Variants in ZNF260 observed in about 807,000 individuals in gnomAD.
ZNF260 encodes zfp-260.
In ZNF260, 21 loss-of-function variants were observed where a neutral mutation model predicts 29.3. That is an observed-to-expected ratio of 0.72 (90% CI 0.51 to 1.03). The LOEUF (loss-of-function observed/expected upper bound fraction) is 1.03, where lower values mean the gene tolerates loss of function less well. Ranked by LOEUF, ZNF260 falls within the 50% of genes least tolerant of loss-of-function variation. ZNF260 has a pLI of 0.00. For synonymous variants in ZNF260, 156 were observed against 156.8 expected, an observed-to-expected ratio of 0.99 and a Z score of 0.04; for missense variants, 465 against 487.8, an observed-to-expected ratio of 0.95 and a Z score of 0.44.
chr19:36,513,709 C>T lies in ZNF260; in HGVS notation c.*291G>A. ...TACATCTCATATCTATTTCTTAATG[C>T]ATCTGTAGGCCTTCCAGGAACACAT... On this transcript the variant is annotated 3_prime_UTR_variant, in exon 3 of 3. Transcript: ENST00000523638. 2.3e-6 allele frequency: 1 copy of T among 431,108 alleles called. No homozygotes were observed. The highest frequency in any genetic ancestry group is 4.1e-6 in the Non-Finnish European group (1 of 243,382). The allele number at this position is 431,108 out of a possible 1,614,324, so 26.7% of individuals were successfully genotyped here.
At chr19:36,521,001 G>A (rs1022079020) in intron 2 of ZNF260, among the ~76,000 whole-genome samples, 1 of 150,342 alleles carries the variant, frequency 6.7e-6, no homozygotes, top group African/African-American at 2.4e-5. Flanking sequence ...AGGATTACTT[G>A]AGTCAGGAGT....
At position 36,514,825 on chromosome 19, in the gene ZNF260, A is replaced by G. The variant is rs779693455; in HGVS notation, c.414T>C (p.Cys138=). The G allele has an allele frequency of 6.2e-7, 1 of 1,613,998 alleles. No homozygotes were observed. Among genetic ancestry groups the G allele is most frequent in the South Asian group, 1.1e-5 (1 of 91,084 alleles). ...KNHTGTKPYA[C]KECGKAFNGK... ...CGTTAAAGGCTTTGCCACATTCCTT[A>G]CATGCATAGGGTTTGGTTCCTGTAT... The change falls in exon 3 of 3, where the codon TGT becomes TGC. Residue 138 remains cysteine (C), a synonymous_variant. Coordinates refer to ENST00000523638, the MANE Select transcript of ZNF260 (RefSeq NM_001166037.2).
chr19:36,519,983 T>C (rs894370284), intron 2 of ZNF260, among the ~76,000 whole-genome samples: 2 of 151,732 alleles, frequency 1.3e-5, no homozygotes, highest in Non-Finnish European at 2.9e-5. Flanking sequence ...GCAGATCACT[T>C]GAGGTTAGGA....
Position 36,515,092 on chromosome 19 carries a change from A to G in ZNF260, c.147T>C (p.His49=). 1.9e-6 allele frequency: 3 copies of G among 1,614,130 alleles called. No homozygotes were observed. The highest frequency in any genetic ancestry group is 2.5e-6 in the Non-Finnish European group (3 of 1,180,014). The change falls in exon 3 of 3, where the codon CAT becomes CAC. Residue 49 remains histidine (H), a synonymous_variant. Transcript: ENST00000523638. ...TGCATTCATGAGATTTCTCTCCAGT[A>G]TGCATTTTCTTATGCTCTACAAGGT... The part of the protein sequence containing the change: ...KQNLVEHKKM[H]TGEKSHECTE...
In ZNF260 at chr19:36,522,720, T is replaced by C. The variant is rs985078367; in HGVS notation, c.-462+2435A>G. Among the ~76,000 whole-genome samples, 7 of 152,238 alleles carry C rather than the reference T, an allele frequency of 4.6e-5. 1 individual carries two copies. In the South Asian group the frequency reaches 1.0e-3, roughly 23 times the overall value. ...CATCTTCTATCTGGCTGAAACCAGGTTGCATTGTTGATCCAGCTCCAACCA... is the reference window on the plus strand; with the variant it reads ...CATCTTCTATCTGGCTGAAACCAGGCTGCATTGTTGATCCAGCTCCAACCA... On this transcript the variant is annotated intron_variant, in intron 2 of 2. Coordinates refer to ENST00000523638, the MANE Select transcript of ZNF260 (RefSeq NM_001166037.2).
Position 36,513,652 on chromosome 19 carries a change from T to G in ZNF260, c.*348A>C, listed in dbSNP as rs906836691. On this transcript the variant is annotated 3_prime_UTR_variant, in exon 3 of 3. Transcript: ENST00000523638. ...TATATGTAGCAAAACATCACAAAAA[T>G]GATAATTTTGTCTCTTAATTTCAAA... is the stretch of plus-strand genomic sequence containing the variant. 2.6e-5 allele frequency: 11 copies of G among 416,052 alleles called. No individual in the cohort carries two copies. The highest frequency in any genetic ancestry group is 3.8e-5 in the Non-Finnish European group (9 of 234,448). The allele number at this position is 416,052 out of a possible 1,614,324, so 25.8% of individuals were successfully genotyped here. A position where few individuals can be genotyped will look rare whatever the true frequency, so the allele number is the denominator to read the frequency against.
chr19:36,515,378 G>T lies in ZNF260; in HGVS notation c.-140C>A. The stretch of plus-strand genomic sequence containing the variant: ...ATCTAATGAAGTTAAATTTATGATG[G>T]AAGACTTTTCTCACATTGATTACCC... On this transcript the variant is annotated 5_prime_UTR_variant, in exon 3 of 3. Transcript: ENST00000523638. The T allele has an allele frequency of 1.1e-6, 1 of 899,808 alleles. No homozygotes were observed. 55.7% of individuals were successfully genotyped at this position (899,808 alleles called of 1,614,324 possible). A position where few individuals can be genotyped will look rare whatever the true frequency, so the allele number is the denominator to read the frequency against.
chr19:36,524,909 G>A (rs2034709363), intron 2 of ZNF260, among the ~76,000 whole-genome samples: 1 of 152,074 alleles, frequency 6.6e-6, no homozygotes, highest in Admixed American at 6.6e-5. Context: ...ATCCAGAATA[G>A]ATTTTAGAAG....
intron 2 of ZNF260, among the ~76,000 whole-genome samples, chr19:36,519,965 C>T (rs549718392): frequency 2.7e-5 from 4 of 150,872 alleles, no homozygotes; most frequent in South Asian, 4.2e-4. Context: ...TTTGGGAGGC[C>T]GAGGTGGGCA....
rs368506511 is a variant in ZNF260, at chr19:36,514,930, T to C, written c.309A>G (p.Lys103=). ...CATAAGGTTTCTCTCCAGTGTGATGTTTCTGATGAGAAAGGAAGTTTTCCT... is the reference window on the plus strand; with the variant it reads ...CATAAGGTTTCTCTCCAGTGTGATGCTTCTGATGAGAAAGGAAGTTTTCCT... ...SQKENFLSHQ[K]HHTGEKPYEC... is the part of the protein sequence containing the mutation. The change falls in exon 3 of 3, where the codon AAA becomes AAG. Residue 103 remains lysine (K), a synonymous_variant. Coordinates refer to ENST00000523638, the MANE Select transcript of ZNF260 (RefSeq NM_001166037.2). 7.4e-6 allele frequency: 12 copies of C among 1,613,976 alleles called. No homozygotes were observed. The African/African-American group carries it at 1.3e-4, about 18-fold the overall frequency.
In ZNF260 at chr19:36,516,203, C is replaced by T. The variant is rs190636011; in HGVS notation, c.-461-504G>A. On this transcript the variant is annotated intron_variant, in intron 2 of 2. Coordinates refer to ENST00000523638, the MANE Select transcript of ZNF260 (RefSeq NM_001166037.2). ...TAGATTCTTTATCCAAGCCTAGTCT[C>T]ATTATAAAATAAAGTTCAAATACAA... 5.5e-4 allele frequency among the ~76,000 whole-genome samples: 84 copies of T among 152,208 alleles called. No homozygotes were observed. The Middle Eastern group carries it at 0.01, about 18-fold the overall frequency.
Position 36,513,303 on chromosome 19 carries a change from T to C in ZNF260, c.*697A>G, listed in dbSNP as rs1178170157. ...ATTCTGGAATGTTTTAGAAGTTCTT[T>C]CCTGCCCTAAGGTTTTAAAAACATC... On this transcript the variant is annotated 3_prime_UTR_variant, in exon 3 of 3. Transcript: ENST00000523638. 2.0e-5 allele frequency: 3 copies of C among 152,588 alleles called. No individual in the cohort carries two copies. Among genetic ancestry groups the C allele is most frequent in the African/African-American group, 7.2e-5 (3 of 41,464 alleles). 9.5% of individuals were successfully genotyped at this position (152,588 alleles called of 1,614,324 possible).
At chr19:36,521,091 AAAAG>A (rs1041128359) in intron 2 of ZNF260, among the ~76,000 whole-genome samples, 4 of 151,788 alleles carry the variant, frequency 2.6e-5, no homozygotes, top group Admixed American at 6.6e-5. Flanking sequence ...AAAAAAAAAA[AAAAG>A]AAAGAAAGAA....
chr19:36,510,753 A>G lies in ZNF260; in HGVS notation c.*3247T>C, dbSNP rs569123063. 1 of 152,340 alleles carries G rather than the reference A, an allele frequency of 6.6e-6. No homozygotes were observed. Among genetic ancestry groups the G allele is most frequent in the South Asian group, 2.1e-4 (1 of 4,828 alleles). The allele number at this position is 152,340 out of a possible 1,614,324, so 9.4% of individuals were successfully genotyped here. A position where few individuals can be genotyped will look rare whatever the true frequency, so the allele number is the denominator to read the frequency against. ...GGTGGCAAATAAGCAAACTGTGAGT[A>G]AACGAGGGCAGCTGAATAAATTTAC... On this transcript the variant is annotated 3_prime_UTR_variant, in exon 3 of 3. Transcript: ENST00000523638.
rs530244779 is a variant in ZNF260, at chr19:36,514,104, T to C, written c.1135A>G (p.Met379Val). The C allele has an allele frequency of 1.1e-5, 18 of 1,614,002 alleles. No homozygotes were observed. Among genetic ancestry groups the C allele is most frequent in the Middle Eastern group, 1.6e-4 (1 of 6,062 alleles). Residue 379 changes from methionine (M) to valine (V), a missense_variant, in exon 3 of 3, where the codon ATG becomes GTG. Physicochemically the swap from Met to Val is conservative, Grantham distance 21 (BLOSUM62 1). Coordinates refer to ENST00000523638, the MANE Select transcript of ZNF260 (RefSeq NM_001166037.2). Reference sequence around the variant, plus strand: ...GGTTTTTCACCAGTATGGATTCTCATGTGCAGAGCAAGGGTTGAGAACTGA... The same window carrying C: ...GGTTTTTCACCAGTATGGATTCTCACGTGCAGAGCAAGGGTTGAGAACTGA... ...FSQFSTLALH[M>V]RIHTGEKPYQ... is the part of the protein sequence containing the mutation.
chr19:36,525,813 A>G (rs771098493), intron 1 of ZNF260, among the ~76,000 whole-genome samples: 2 of 151,890 alleles, frequency 1.3e-5, no homozygotes, highest in Non-Finnish European at 2.9e-5. Context: ...AAAAAGCTCT[A>G]AACATTTCAA....
rs934175125 is a variant in ZNF260, at chr19:36,511,283, G to C, written c.*2717C>G. On this transcript the variant is annotated 3_prime_UTR_variant, in exon 3 of 3. Coordinates refer to ENST00000523638, the MANE Select transcript of ZNF260 (RefSeq NM_001166037.2). ...CTCACGCCTGTAATCCCAGCACTTC[G>C]GGAGGCCAAGGTGGGCGGATCACCT... 1 of 151,570 alleles carries C rather than the reference G, an allele frequency of 6.6e-6. No homozygotes were observed. The highest frequency in any genetic ancestry group is 1.5e-5 in the Non-Finnish European group (1 of 67,976). The allele number at this position is 151,570 out of a possible 1,614,324, so 9.4% of individuals were successfully genotyped here.
intron 1 of ZNF260, among the ~76,000 whole-genome samples, chr19:36,527,402 T>A (rs1014251465): frequency 4.6e-5 from 7 of 152,216 alleles, no homozygotes; most frequent in African/African-American, 1.7e-4. Flanking sequence ...ATGTTAAGAA[T>A]AAGTGTGACA....
At position 36,511,921 on chromosome 19, in the gene ZNF260, T is replaced by C. The variant is rs142297509; in HGVS notation, c.*2079A>G. The C allele has an allele frequency of 5.3e-5, 8 of 152,284 alleles. No homozygotes were observed. The highest frequency in any genetic ancestry group is 1.9e-4 in the African/African-American group (8 of 41,564). 9.4% of individuals were successfully genotyped at this position (152,284 alleles called of 1,614,324 possible). ...TTTTCCTCAATGGCTTATAAAAAAA[T>C]TGAAGAGTGACACAGTTTTCTCATT... On this transcript the variant is annotated 3_prime_UTR_variant, in exon 3 of 3. Transcript: ENST00000523638.
Sources: allele counts gnomAD v4.1 joint callset (sites outside exome capture counted in the v4.1 genomes callset), GRCh38; gene constraint gnomAD v4.1.1; transcripts MANE v1.5; gene names NCBI Gene and HGNC (gene_info 2026-07-23, HGNC 2026-07-21).